The following ME1 variants were observed in gnomAD, a reference collection of about 807,000 sequenced individuals.
ME1 encodes NADP-dependent malic enzyme.
In ME1, 74 loss-of-function variants were observed where a neutral mutation model predicts 66.4. The ratio of observed to expected loss-of-function variants is 1.11; its 90% confidence interval spans 0.92 to 1.35. The LOEUF (loss-of-function observed/expected upper bound fraction) is 1.35. Among genes scored for constraint, ME1 ranks in the 40% most tolerant of loss-of-function variants. The pLI is 0.00. For missense variants in ME1, 750 were observed against 694.1 expected, an observed-to-expected ratio of 1.08 and a Z score of -0.90; for synonymous variants, 251 against 235.6, an observed-to-expected ratio of 1.07 and a Z score of -0.60.
At chr6:83,328,812 A>G (rs1145902) in intron 5 of ME1, among the ~76,000 whole-genome samples, 48,634 of 151,816 alleles carry the variant, frequency 0.32, 8,137 homozygotes, top group Middle Eastern at 0.49. Flanking sequence ...CACTAAATGC[A>G]TGTGGTGCCA....
intron 6 of ME1, among the ~76,000 whole-genome samples, chr6:83,262,020 A>G (rs1254719771): frequency 2.7e-5 from 4 of 150,740 alleles, no homozygotes; most frequent in African/African-American, 7.4e-5. Flanking sequence ...TCTCAAAAAA[A>G]AAAAAAAAAA....
At chr6:83,332,906 TAAAAAATAAAAATA>T (rs1768442492) in intron 5 of ME1, among the ~76,000 whole-genome samples, 1 of 152,012 alleles carries the variant, frequency 6.6e-6, no homozygotes, top group Non-Finnish European at 1.5e-5. Flanking sequence ...GCTATTAAAA[TAAAAAATAAAAATA>T]AAAAAATAAG....
At chr6:83,238,106 A>G (rs2128525657) in intron 8 of ME1, among the ~76,000 whole-genome samples, 1 of 152,326 alleles carries the variant, frequency 6.6e-6, no homozygotes, top group African/African-American at 2.4e-5. Context: ...TACTGAATTC[A>G]AAATAATGAA....
intron 5 of ME1, among the ~76,000 whole-genome samples, chr6:83,341,672 G>A (rs536671713): frequency 1.2e-4 from 18 of 152,260 alleles, no homozygotes; most frequent in African/African-American, 4.3e-4. Flanking sequence ...CAGAGTTTAA[G>A]ACTAAGAATG....
intron 5 of ME1, among the ~76,000 whole-genome samples, chr6:83,323,700 A>G (rs1253438283): frequency 6.6e-6 from 1 of 152,128 alleles, no homozygotes; most frequent in African/African-American, 2.4e-5. Flanking sequence ...GTTCATAGAG[A>G]CCTACAAAAA....
intron 6 of ME1, among the ~76,000 whole-genome samples, chr6:83,306,071 G>C (rs1437795105): frequency 6.6e-6 from 1 of 152,050 alleles, no homozygotes; most frequent in Non-Finnish European, 1.5e-5. Context: ...TAACCTACAA[G>C]ATATTGCTAT....
At position 83,352,139 on chromosome 6, in the gene ME1, T is replaced by G. The variant is rs767045429; in HGVS notation, c.363A>C (p.Arg121Ser). 9.2e-6 allele frequency: 11 copies of G among 1,198,082 alleles called. No homozygotes were observed. In the Admixed American group the frequency reaches 1.5e-4, roughly 17 times the overall value. 74.2% of individuals were successfully genotyped at this position (1,198,082 alleles called of 1,614,324 possible). ...GATCGTGGATAGTAATAAAGAGACCTCTGCAGAAAAAAAAAAAAAAAAAGG... is the reference window on the plus strand; with the variant it reads ...GATCGTGGATAGTAATAAAGAGACCGCTGCAGAAAAAAAAAAAAAAAAAGG... The part of the protein sequence containing the change: ...QQYSLVFRKP[R>S]GLFITIHDRG... Residue 121 changes from arginine to serine, a missense_variant and splice_region_variant, in exon 4 of 14, where the codon AGA becomes AGC. Physicochemically the swap from Arg to Ser is moderately radical, Grantham distance 110. Coordinates refer to ENST00000369705, the MANE Select transcript of ME1 (RefSeq NM_002395.6).
At chr6:83,429,353 T>C (rs1390601435) in intron 1 of ME1, among the ~76,000 whole-genome samples, 1 of 152,210 alleles carries the variant, frequency 6.6e-6, no homozygotes, top group Non-Finnish European at 1.5e-5. Flanking sequence ...GCCATCTACA[T>C]ACTCTTAATA....
chr6:83,425,233 T>G (rs1770347181), intron 1 of ME1, among the ~76,000 whole-genome samples: 1 of 152,076 alleles, frequency 6.6e-6, no homozygotes, highest in South Asian at 2.1e-4. Context: ...TGGGCTCAAG[T>G]GATCCTCCTA....
intron 3 of ME1, among the ~76,000 whole-genome samples, chr6:83,395,246 C>T (rs1184112615): frequency 1.3e-5 from 2 of 151,792 alleles, no homozygotes; most frequent in African/African-American, 4.8e-5. Context: ...TACCACCACG[C>T]TCAGCAATTT....
At chr6:83,396,525 T>C (rs1484497534) in intron 3 of ME1, among the ~76,000 whole-genome samples, 1 of 152,156 alleles carries the variant, frequency 6.6e-6, no homozygotes, top group Admixed American at 6.5e-5. Flanking sequence ...AGAATTAATA[T>C]TGTTAAAATG....
chr6:83,385,041 G>T (rs933340086), intron 3 of ME1, among the ~76,000 whole-genome samples: 11 of 151,902 alleles, frequency 7.2e-5, no homozygotes, highest in Non-Finnish European at 1.0e-4. Context: ...ATAATTGAAG[G>T]CTTAACTATC....
chr6:83,354,588 C>G (rs1018916077), intron 3 of ME1, among the ~76,000 whole-genome samples: 3 of 152,144 alleles, frequency 2.0e-5, no homozygotes, highest in African/African-American at 7.2e-5. Context: ...TCAGACAGGC[C>G]TTCTCTGATA....
chr6:83,304,581 T>A (rs1240737030), intron 6 of ME1, among the ~76,000 whole-genome samples: 1 of 152,208 alleles, frequency 6.6e-6, no homozygotes, highest in Non-Finnish European at 1.5e-5. Flanking sequence ...ATGATATTAT[T>A]TTCATGAGGA....
chr6:83,412,038 A>T (rs1181696472), intron 1 of ME1, among the ~76,000 whole-genome samples: 1 of 152,222 alleles, frequency 6.6e-6, no homozygotes, highest in Non-Finnish European at 1.5e-5. Context: ...AATTCCTGAC[A>T]TGACGAAGGA....
chr6:83,287,835 T>C (rs1247917762), intron 6 of ME1, among the ~76,000 whole-genome samples: 1 of 152,222 alleles, frequency 6.6e-6, no homozygotes, highest in Non-Finnish European at 1.5e-5. Flanking sequence ...GACTTTCTAA[T>C]GATTGCCTTT....
intron 6 of ME1, among the ~76,000 whole-genome samples, chr6:83,304,481 A>T (rs1486543582): frequency 3.9e-5 from 6 of 152,188 alleles, no homozygotes; most frequent in South Asian, 2.1e-4. Flanking sequence ...ACACATCTCA[A>T]TCTAACAATA....
At chr6:83,329,480 AATAAGT>A (rs748165447) in intron 5 of ME1, among the ~76,000 whole-genome samples, 3 of 152,202 alleles carry the variant, frequency 2.0e-5, no homozygotes, top group African/African-American at 4.8e-5. Context: ...AGTGGTATAT[AATAAGT>A]ATGTCTATTT....
chr6:83,403,501 TTTTAC>T (rs1166893409), intron 2 of ME1, among the ~76,000 whole-genome samples: 12 of 152,180 alleles, frequency 7.9e-5, no homozygotes, highest in Admixed American at 2.6e-4. Flanking sequence ...TTATTTTTTA[TTTTAC>T]TTTAAGTTCT....
Sources: allele counts gnomAD v4.1 joint callset (sites outside exome capture counted in the v4.1 genomes callset), GRCh38; gene constraint gnomAD v4.1.1; transcripts MANE v1.5; gene names NCBI Gene and HGNC (gene_info 2026-07-23, HGNC 2026-07-21).